POU3F3: variants seen among roughly 807,000 people sequenced by gnomAD.
POU3F3 encodes the protein POU domain, class 3, transcription factor 3.
Under a neutral mutation model 8.6 loss-of-function variants are expected in POU3F3, and 1 was observed. That is an observed-to-expected ratio of 0.12 (90% CI 0.04 to 0.55). The LOEUF (loss-of-function observed/expected upper bound fraction) is 0.55. Ranked by LOEUF, POU3F3 falls within the 20% of genes least tolerant of loss-of-function variation. POU3F3 has a pLI of 0.91. For synonymous variants in POU3F3, 418 were observed against 327.4 expected (o/e 1.28, Z -2.99); for missense variants, 577 against 690.7 (o/e 0.84, Z 1.84).
the POU3F3 span, among the ~76,000 whole-genome samples, chr2:104,908,500 C>T: frequency 1.1e-3 from 162 of 152,290 alleles, no homozygotes; most frequent in Non-Finnish European, 1.7e-3. Flanking sequence ...TTCAAGAGCA[C>T]GTGACCACCT....
At chr2:104,883,057 G>A in the POU3F3 span, among the ~76,000 whole-genome samples, 1 of 152,180 alleles carries the variant, frequency 6.6e-6, no homozygotes, top group Admixed American at 6.5e-5. Flanking sequence ...AGTTTGCAAG[G>A]CAAACTCACC....
chr2:104,872,549 C>A, the POU3F3 span: 1 of 319,578 alleles, frequency 3.1e-6, no homozygotes, highest in Non-Finnish European at 6.1e-6. The surrounding 1 kb of genome is among the most constrained non-coding windows in gnomAD (Gnocchi z 4.6). Context: ...CCCGCCCTCC[C>A]GGTCCCCGAG....
At chr2:104,890,755 A>G in the POU3F3 span, among the ~76,000 whole-genome samples, 4 of 152,194 alleles carry the variant, frequency 2.6e-5, no homozygotes, top group African/African-American at 9.7e-5. Context: ...ACACTCGGGT[A>G]AAAGAGGCAG....
chr2:104,910,780 T>C, the POU3F3 span, among the ~76,000 whole-genome samples: 1 of 152,128 alleles, frequency 6.6e-6, no homozygotes, highest in Non-Finnish European at 1.5e-5. Context: ...TGGCCCTGTG[T>C]ATTCATGGGT....
chr2:104,900,050 T>C, the POU3F3 span, among the ~76,000 whole-genome samples: 1 of 152,200 alleles, frequency 6.6e-6, no homozygotes, highest in African/African-American at 2.4e-5. Flanking sequence ...ATGGAGATGA[T>C]GTCAGATAGT....
the POU3F3 span, among the ~76,000 whole-genome samples, chr2:104,893,549 A>G: frequency 6.6e-6 from 1 of 152,230 alleles, no homozygotes; most frequent in East Asian, 1.9e-4. Context: ...GTTTTCAGTG[A>G]GGATGGTGAT....
Position 104,857,779 on chromosome 2 carries a change from T to G in POU3F3, c.*766T>G, listed in dbSNP as rs903464219. On this transcript the variant is annotated 3_prime_UTR_variant, in exon 1 of 1. Coordinates refer to ENST00000361360, the MANE Select transcript of POU3F3 (RefSeq NM_006236.3). ...GTCTCCAAGAAAAAAATAATTATAT[T>G]GACAGCTTCTGAAACTAACAGACTG... 13 of 152,284 alleles carry G rather than the reference T, an allele frequency of 8.5e-5. No homozygotes were observed. Among genetic ancestry groups the G allele is most frequent in the African/African-American group, 3.1e-4 (13 of 41,452 alleles). 9.4% of individuals were successfully genotyped at this position (152,284 alleles called of 1,614,324 possible). A position where few individuals can be genotyped will look rare whatever the true frequency, so the allele number is the denominator to read the frequency against.
In POU3F3 at chr2:104,857,087, T is replaced by C. The variant is rs1298364573; in HGVS notation, c.*74T>C. 5.0e-6 allele frequency: 5 copies of C among 1,002,128 alleles called. No homozygotes were observed. Among genetic ancestry groups the C allele is most frequent in the Non-Finnish European group, 6.0e-6 (5 of 839,178 alleles). The allele number at this position is 1,002,128 out of a possible 1,614,324, so 62.1% of individuals were successfully genotyped here. Reference sequence around the variant, plus strand: ...CCGCCGTCAGCACCGCCGCCGCCCCTGCCGCCGCCGCCGCCGCCGCCGCCG... The same window carrying C: ...CCGCCGTCAGCACCGCCGCCGCCCCCGCCGCCGCCGCCGCCGCCGCCGCCG... On this transcript the variant is annotated 3_prime_UTR_variant, in exon 1 of 1. Coordinates refer to ENST00000361360, the MANE Select transcript of POU3F3 (RefSeq NM_006236.3).
the POU3F3 span, among the ~76,000 whole-genome samples, chr2:104,901,945 G>A: frequency 4.6e-5 from 7 of 152,154 alleles, no homozygotes; most frequent in African/African-American, 1.4e-4. Flanking sequence ...ATGGAGTTGC[G>A]TATTAATGCC....
At chr2:104,911,081 A>C in the POU3F3 span, among the ~76,000 whole-genome samples, 6 of 152,190 alleles carry the variant, frequency 3.9e-5, no homozygotes, top group African/African-American at 1.4e-4. Flanking sequence ...TCCTGGACCC[A>C]AATGCCCATA....
At chr2:104,890,733 A>T in the POU3F3 span, among the ~76,000 whole-genome samples, 1 of 151,852 alleles carries the variant, frequency 6.6e-6, no homozygotes, top group Non-Finnish European at 1.5e-5. Context: ...AGCCCATCTG[A>T]TATGTTCCTC....
At chr2:104,908,494 A>G in the POU3F3 span, among the ~76,000 whole-genome samples, 1 of 152,226 alleles carries the variant, frequency 6.6e-6, no homozygotes, top group Non-Finnish European at 1.5e-5. Context: ...TGAATTTTCA[A>G]GAGCACGTGA....
Position 104,854,202 on chromosome 2 carries a change from G to C in POU3F3, c.-1309G>C, listed in dbSNP as rs549199613. ...CGGGCGCCCGAGAGAGGGAGAGAGAGAGAGGGAGGGAGAGGAAAAGTGAGA... is the reference window on the plus strand; with the variant it reads ...CGGGCGCCCGAGAGAGGGAGAGAGACAGAGGGAGGGAGAGGAAAAGTGAGA... On this transcript the variant is annotated 5_prime_UTR_variant, in exon 1 of 1. Transcript: ENST00000361360. This position sits in a 1 kb window ranked among gnomAD's most constrained non-coding sequence, Gnocchi z 4.5. Among the ~76,000 whole-genome samples, 13 of 152,284 alleles carry C rather than the reference G, an allele frequency of 8.5e-5. No individual in the cohort carries two copies. The highest frequency in any genetic ancestry group is 2.9e-4 in the African/African-American group (12 of 41,566).
At chr2:104,892,819 T>C in the POU3F3 span, among the ~76,000 whole-genome samples, 6 of 152,058 alleles carry the variant, frequency 3.9e-5, no homozygotes, top group South Asian at 1.2e-3. Flanking sequence ...GGCCTCAGCC[T>C]CCCAAAGTGC....
chr2:104,869,224 T>C, the POU3F3 span, among the ~76,000 whole-genome samples: 1 of 152,264 alleles, frequency 6.6e-6, no homozygotes, highest in Non-Finnish European at 1.5e-5. Context: ...GTAATATTTC[T>C]TTTAAAGAAA....
rs1676535852 is a variant in POU3F3 at position 104,855,507 on chromosome 2, C to T, written c.-4C>T. The T allele has an allele frequency of 1.0e-6, 1 of 1,000,430 alleles. No homozygotes were observed. The highest frequency in any genetic ancestry group is 3.8e-5 in the South Asian group (1 of 26,176). 62.0% of individuals were successfully genotyped at this position (1,000,430 alleles called of 1,614,324 possible). A position where few individuals can be genotyped will look rare whatever the true frequency, so the allele number is the denominator to read the frequency against. ...CGGCGGTGGGGTGGCGGGAGCGGAG[C>T]GGCATGGCCACGGCGGCTTCTAACC... On this transcript the variant is annotated 5_prime_UTR_variant, in exon 1 of 1. Coordinates refer to ENST00000361360, the MANE Select transcript of POU3F3 (RefSeq NM_006236.3).
At chr2:104,863,158 CAATTATTATT>C (rs1676685686), downstream of POU3F3, among the ~76,000 whole-genome samples, 1 of 119,178 alleles carries the variant, frequency 8.4e-6, no homozygotes, top group Admixed American at 9.3e-5. Context: ...CTCATAATAA[CAATTATTATT>C]ATTATTATTA....
At chr2:104,877,482 G>T in the POU3F3 span, among the ~76,000 whole-genome samples, 1 of 151,918 alleles carries the variant, frequency 6.6e-6, no homozygotes, top group African/African-American at 2.4e-5. Context: ...CACTGATGGT[G>T]GAGTGTGCGC....
the POU3F3 span, among the ~76,000 whole-genome samples, chr2:104,894,795 T>A: frequency 1.9e-4 from 29 of 152,320 alleles, no homozygotes; most frequent in East Asian, 4.4e-3. Context: ...GGGGAGCTGG[T>A]CTTCCTCCTG....
Sources: allele counts gnomAD v4.1 joint callset (sites outside exome capture counted in the v4.1 genomes callset), GRCh38; gene constraint gnomAD v4.1.1; non-coding constraint Gnocchi (gnomAD v3.1); transcripts MANE v1.5; gene names NCBI Gene and HGNC (gene_info 2026-07-23, HGNC 2026-07-21).